RSU1: variants seen among roughly 807,000 people sequenced by gnomAD.
RSU1 encodes the protein rsu-1.
A neutral mutation model predicts 31.1 loss-of-function variants in RSU1; 26 were observed. That is an observed-to-expected ratio of 0.84 (90% CI 0.61 to 1.16). RSU1 has a LOEUF of 1.16. Ranked by LOEUF, RSU1 falls within the 50% of genes most tolerant of loss-of-function variation. RSU1 has a pLI of 0.00. For missense variants in RSU1, 320 were observed against 339.1 expected (o/e 0.94, Z 0.44); for synonymous variants, 164 against 136.3 (o/e 1.20, Z -1.41).
intron 8 of RSU1, among the ~76,000 whole-genome samples, chr10:16,672,762 T>C (rs1238547527): frequency 2.0e-5 from 3 of 152,130 alleles, no homozygotes; most frequent in African/African-American, 7.2e-5. Context: ...GGTTTATACA[T>C]GGGCATAAAA....
chr10:16,688,585 G>A (rs1451961797), intron 8 of RSU1, among the ~76,000 whole-genome samples: 4 of 152,224 alleles, frequency 2.6e-5, no homozygotes, highest in South Asian at 4.1e-4. Context: ...GTCCAGCTTC[G>A]GCGACAGAGC....
At chr10:16,790,492 T>C (rs546405263) in intron 2 of RSU1, among the ~76,000 whole-genome samples, 48 of 152,290 alleles carry the variant, frequency 3.2e-4, no homozygotes, top group African/African-American at 1.1e-3. Flanking sequence ...TTACTTATCG[T>C]AGGATGACAA....
At chr10:16,636,532 G>C (rs559425062) in intron 8 of RSU1, among the ~76,000 whole-genome samples, 2 of 152,236 alleles carry the variant, frequency 1.3e-5, no homozygotes, top group African/African-American at 4.8e-5. Flanking sequence ...CCTGTTTTCT[G>C]CGCTTCCCTT....
chr10:16,741,583 G>A (rs528341468), intron 7 of RSU1, among the ~76,000 whole-genome samples: 1 of 152,236 alleles, frequency 6.6e-6, no homozygotes, highest in Non-Finnish European at 1.5e-5. Context: ...AAAAGTGAGA[G>A]GAGGTTATTG....
At chr10:16,648,129 AAAAT>A (rs1834606939) in intron 8 of RSU1, among the ~76,000 whole-genome samples, 1 of 134,140 alleles carries the variant, frequency 7.5e-6, no homozygotes, top group African/African-American at 4.0e-5. Context: ...AAAAAAAAAA[AAAAT>A]TTTTTTTTTT....
chr10:16,637,457 AT>A (rs200592205), intron 8 of RSU1, among the ~76,000 whole-genome samples: 8,458 of 141,118 alleles, frequency 0.06, 519 homozygotes, highest in African/African-American at 0.17. Flanking sequence ...TTTCCTAAGG[AT>A]TTTTTTTTTT....
chr10:16,668,166 T>A (rs531014801), intron 8 of RSU1, among the ~76,000 whole-genome samples: 7 of 152,220 alleles, frequency 4.6e-5, no homozygotes, highest in Non-Finnish European at 8.8e-5. Flanking sequence ...AAAATGGGGA[T>A]AAGCAGTATT....
intron 7 of RSU1, among the ~76,000 whole-genome samples, chr10:16,708,722 G>A (rs2131578279): frequency 6.6e-6 from 1 of 152,040 alleles, no homozygotes; most frequent in Non-Finnish European, 1.5e-5. Context: ...AGACAAAGTA[G>A]CTTGCCATTT....
At chr10:16,714,770 C>T (rs752697276) in intron 7 of RSU1, among the ~76,000 whole-genome samples, 10 of 152,142 alleles carry the variant, frequency 6.6e-5, no homozygotes, top group Non-Finnish European at 1.0e-4. Context: ...GCTACTGGTG[C>T]GCAGGGCAGG....
At chr10:16,612,121 C>T (rs745761122) in intron 8 of RSU1, among the ~76,000 whole-genome samples, 7 of 152,216 alleles carry the variant, frequency 4.6e-5, no homozygotes, top group South Asian at 2.1e-4. Context: ...TGCCACACTA[C>T]GCTCAGAACT....
intron 2 of RSU1, 88 bp from the exon 3 acceptor site, chr10:16,782,172 A>C: frequency 9.6e-7 from 1 of 1,046,138 alleles, no homozygotes; most frequent in Non-Finnish European, 1.4e-6. Flanking sequence ...GCAAACGGCA[A>C]AGTTATTTTC....
At chr10:16,774,974 T>C (rs1440090570) in intron 3 of RSU1, among the ~76,000 whole-genome samples, 1 of 151,554 alleles carries the variant, frequency 6.6e-6, no homozygotes, top group Non-Finnish European at 1.5e-5. Flanking sequence ...AGCCCAGGAG[T>C]TTCAGGTTAC....
At chr10:16,747,469 C>T (rs1328904017) in intron 7 of RSU1, among the ~76,000 whole-genome samples, 1 of 151,692 alleles carries the variant, frequency 6.6e-6, no homozygotes, top group East Asian at 1.9e-4. Flanking sequence ...CTTTCCCAGC[C>T]TTCCAGTTGC....
rs557578338 is a variant in RSU1 at position 16,778,394 on chromosome 10, C to G, written c.160+3640G>C. The stretch of plus-strand genomic sequence containing the variant: ...AGCCAGCAGTTTCCTCTCTGCCCTT[C>G]CCTGTCATTCACATACCTCCTGGGA... On this transcript the variant is annotated intron_variant, in intron 3 of 8. Coordinates refer to ENST00000345264, the MANE Select transcript of RSU1 (RefSeq NM_012425.4). Among the ~76,000 whole-genome samples the G allele has an allele frequency of 2.0e-5, 3 of 152,288 alleles. No homozygotes were observed. In the South Asian group the frequency reaches 6.2e-4, roughly 32 times the overall value.
rs1427419966 is a variant in RSU1 at position 16,750,879 on chromosome 10, T to TTC, written c.598+1659_598+1660insGA. Reference sequence around the variant, plus strand: ...AAGATCTCTCTTTTTTTTTTTTTTTTCCTTTCAACAAGGTCTTGTTCTGTC... The same window carrying TTC: ...AAGATCTCTCTTTTTTTTTTTTTTTTTCCCTTTCAACAAGGTCTTGTTCTGTC... On this transcript the variant is annotated intron_variant, in intron 7 of 8. Transcript: ENST00000345264. Among the ~76,000 whole-genome samples, 9 of 147,332 alleles carry TTC rather than the reference T, an allele frequency of 6.1e-5. No homozygotes were observed. In the East Asian group the frequency reaches 1.8e-3, roughly 30 times the overall value.
chr10:16,631,621 C>T (rs1834251081), intron 8 of RSU1, among the ~76,000 whole-genome samples: 2 of 152,316 alleles, frequency 1.3e-5, no homozygotes, highest in South Asian at 4.1e-4. Flanking sequence ...AAAAGTGTCA[C>T]TCAATCATTA....
At chr10:16,756,503 G>C (rs74125867) in intron 4 of RSU1, among the ~76,000 whole-genome samples, 3,112 of 152,224 alleles carry the variant, frequency 0.02, 107 homozygotes, top group African/African-American at 0.072. Flanking sequence ...AGAGGACGAA[G>C]ACCTTTAAGA....
At chr10:16,815,152 C>CA (rs768177638) in intron 2 of RSU1, among the ~76,000 whole-genome samples, 1 of 152,246 alleles carries the variant, frequency 6.6e-6, no homozygotes, top group Non-Finnish European at 1.5e-5. Flanking sequence ...GGGGCAAACT[C>CA]AGATATCCAA....
At chr10:16,726,025 A>G (rs753364785) in intron 7 of RSU1, among the ~76,000 whole-genome samples, 3 of 151,756 alleles carry the variant, frequency 2.0e-5, no homozygotes, top group African/African-American at 7.3e-5. Flanking sequence ...ATGCACGTAT[A>G]TATGTGTATA....
Sources: allele counts gnomAD v4.1 joint callset (sites outside exome capture counted in the v4.1 genomes callset), GRCh38; gene constraint gnomAD v4.1.1; transcripts MANE v1.5; gene names NCBI Gene and HGNC (gene_info 2026-07-23, HGNC 2026-07-21).